Variants in RAD51B observed in about 807,000 individuals in gnomAD.
RAD51B encodes DNA repair protein RAD51 homolog 2.
Under a neutral mutation model 42.2 loss-of-function variants are expected in RAD51B, and 38 were observed. The ratio of observed to expected loss-of-function variants is 0.90; its 90% CI spans 0.70 to 1.18. The LOEUF (loss-of-function observed/expected upper bound fraction) is 1.18. Among genes scored for constraint, RAD51B ranks in the 50% most tolerant of loss-of-function variants. The pLI is 0.00. For missense variants in RAD51B, 373 were observed against 400.7 expected, an observed-to-expected ratio of 0.93 and a Z score of 0.59; for synonymous variants, 154 against 145.2, an observed-to-expected ratio of 1.06 and a Z score of -0.43.
chr14:68,586,396 C>A (rs1238018622), intron 10 of RAD51B, among the ~76,000 whole-genome samples: 1 of 152,208 alleles, frequency 6.6e-6, no homozygotes. Flanking sequence ...GCCCAAGAAC[C>A]TCACCGGCCC....
chr14:67,858,574 C>T (rs1028023482), intron 4 of RAD51B, among the ~76,000 whole-genome samples: 2 of 152,020 alleles, frequency 1.3e-5, no homozygotes. Flanking sequence ...CAAAGGTGGG[C>T]GAGACAGTGT....
chr14:67,981,076 A>G (rs1308051730), intron 7 of RAD51B, among the ~76,000 whole-genome samples: 1 of 152,204 alleles, frequency 6.6e-6, no homozygotes, highest in Admixed American at 6.5e-5. Flanking sequence ...CGGATAGAGT[A>G]TGGTGGATTA....
intron 9 of RAD51B, among the ~76,000 whole-genome samples, chr14:68,433,393 G>A (rs1484643360): frequency 4.6e-5 from 7 of 152,056 alleles, no homozygotes; most frequent in African/African-American, 1.2e-4. Flanking sequence ...CCAATCAGAC[G>A]TAGATTTGGT....
chr14:68,221,747 A>C (rs2079931640), intron 7 of RAD51B, among the ~76,000 whole-genome samples: 1 of 152,236 alleles, frequency 6.6e-6, no homozygotes, highest in Non-Finnish European at 1.5e-5. Flanking sequence ...GAGTTAACAA[A>C]CAACCCACAG....
intron 10 of RAD51B, among the ~76,000 whole-genome samples, chr14:68,534,304 A>G (rs974441148): frequency 4.6e-5 from 7 of 152,224 alleles, no homozygotes; most frequent in Admixed American, 3.3e-4. Flanking sequence ...ACCAAGAACG[A>G]TGACAAAAAT....
At chr14:68,102,798 C>G (rs1259189780) in intron 7 of RAD51B, among the ~76,000 whole-genome samples, 2 of 152,114 alleles carry the variant, frequency 1.3e-5, no homozygotes, top group Non-Finnish European at 2.9e-5. Context: ...TCTACTGGTA[C>G]CAGTTTACTA....
At chr14:68,119,385 G>A (rs925635611) in intron 7 of RAD51B, among the ~76,000 whole-genome samples, 1 of 148,134 alleles carries the variant, frequency 6.8e-6, no homozygotes, top group Non-Finnish European at 1.5e-5. Context: ...AGTTACATAT[G>A]TATACATGTG....
chr14:68,098,865 G>T (rs544144238), intron 7 of RAD51B, among the ~76,000 whole-genome samples: 1 of 152,312 alleles, frequency 6.6e-6, no homozygotes, highest in East Asian at 1.9e-4. Flanking sequence ...AGACCTGAAT[G>T]CAATGAGAGA....
intron 7 of RAD51B, among the ~76,000 whole-genome samples, chr14:68,188,954 G>T (rs528927700): frequency 1.3e-5 from 2 of 151,836 alleles, no homozygotes; most frequent in African/African-American, 4.8e-5. Flanking sequence ...TATGTTTATA[G>T]CTCTTTGATA....
At position 68,538,749 on chromosome 14, in the gene RAD51B, C is replaced by T. The variant is rs144608820; in HGVS notation, c.1037-55736C>T. 3.9e-5 allele frequency among the ~76,000 whole-genome samples: 6 copies of T among 152,040 alleles called. No homozygotes were observed. The East Asian group carries it at 7.7e-4, about 20-fold the overall frequency. ...TTTAAAATTACAGAAAATCATGGGCCTTCCTACTTGTATGGCGAAAAAGAG... is the reference window on the plus strand; with the variant it reads ...TTTAAAATTACAGAAAATCATGGGCTTTCCTACTTGTATGGCGAAAAAGAG... On this transcript the variant is annotated intron_variant, in intron 10 of 10. Coordinates refer to the RAD51B transcript ENST00000487270.
chr14:68,106,916 A>G (rs1169391858), intron 7 of RAD51B, among the ~76,000 whole-genome samples: 1 of 151,880 alleles, frequency 6.6e-6, no homozygotes, highest in African/African-American at 2.4e-5. Context: ...TAATCCACAT[A>G]AAACCTTGCA....
chr14:68,411,544 T>C lies in RAD51B; in HGVS notation c.957+17T>C. The C allele has an allele frequency of 6.2e-7, 1 of 1,606,750 alleles. No individual in the cohort carries two copies. The highest frequency in any genetic ancestry group is 8.5e-7 in the Non-Finnish European group (1 of 1,173,440). On this transcript the variant is annotated intron_variant, in intron 9 of 10. Coordinates refer to ENST00000471583, the MANE Select transcript of RAD51B (RefSeq NM_133510.4). The stretch of plus-strand genomic sequence containing the variant: ...AGAAGACAGGTGGGTGCTTTGACAG[T>C]ATTCTCTGACTATGAAGGTCGGGGA...
intron 7 of RAD51B, among the ~76,000 whole-genome samples, chr14:68,115,542 T>TAAAAA (rs368351598): frequency 1.5e-5 from 1 of 67,994 alleles, no homozygotes; most frequent in Admixed American, 1.7e-4. Flanking sequence ...ACTTAAAGTA[T>TAAAAA]AAAAAAAAAA....
intron 7 of RAD51B, among the ~76,000 whole-genome samples, chr14:68,064,891 A>G (rs962641088): frequency 2.6e-5 from 4 of 151,992 alleles, no homozygotes; most frequent in Non-Finnish European, 4.4e-5. Context: ...ATTTTATCGA[A>G]TTGTCTATTT....
At chr14:67,914,018 T>C (rs1474987937) in intron 7 of RAD51B, among the ~76,000 whole-genome samples, 1 of 151,850 alleles carries the variant, frequency 6.6e-6, no homozygotes, top group Non-Finnish European at 1.5e-5. Flanking sequence ...GGCCTCGCTC[T>C]TTCACCCAGG....
chr14:68,240,481 TTATC>T (rs1162172430), intron 7 of RAD51B, among the ~76,000 whole-genome samples: 1 of 152,232 alleles, frequency 6.6e-6, no homozygotes, highest in Non-Finnish European at 1.5e-5. Flanking sequence ...GGATGATTCT[TTATC>T]TAACGAAAGA....
intron 10 of RAD51B, among the ~76,000 whole-genome samples, chr14:68,580,907 G>A (rs866277059): frequency 3.9e-5 from 6 of 152,180 alleles, no homozygotes; most frequent in Non-Finnish European, 7.4e-5. Flanking sequence ...GTGCTTTGGC[G>A]GTCATCTCTG....
At chr14:68,162,472 C>T (rs1419902219) in intron 7 of RAD51B, among the ~76,000 whole-genome samples, 2 of 151,714 alleles carry the variant, frequency 1.3e-5, no homozygotes, top group Non-Finnish European at 2.9e-5. Context: ...GTTTCTATAC[C>T]AGGGGAAATA....
intron 1 of RAD51B, chr14:67,822,334 C>A (rs2040658934): frequency 6.6e-6 from 1 of 152,012 alleles, no homozygotes; most frequent in Non-Finnish European, 1.5e-5. Context: ...TAGCAAGGTA[C>A]AATAGTGAAA....
Sources: gnomAD v4.1 joint callset for allele counts (sites outside exome capture counted in the v4.1 genomes callset) on GRCh38, gnomAD v4.1.1 for gene constraint, MANE v1.5 for transcripts, NCBI Gene and HGNC (gene_info 2026-07-23, HGNC 2026-07-21) for gene names.